Variants in PGLYRP4 observed in about 807,000 individuals in gnomAD.
The protein encoded by PGLYRP4 is PGRP-I-beta.
In PGLYRP4, 39 loss-of-function variants were observed where a neutral mutation model predicts 41.2. The observed-to-expected ratio is 0.95, with a 90% CI of 0.73 to 1.24. The LOEUF (loss-of-function observed/expected upper bound fraction) is 1.24. Among genes scored for constraint, PGLYRP4 ranks in the 50% most tolerant of loss-of-function variants. PGLYRP4 has a pLI of 0.00. For missense variants in PGLYRP4, 467 were observed against 460.7 expected (o/e 1.01, Z -0.13); for synonymous variants, 202 against 186.8 (o/e 1.08, Z -0.66).
intron 2 of PGLYRP4, 149 bp downstream of exon 2, chr1:153,347,734 CT>C: frequency 1.5e-6 from 1 of 657,832 alleles, no homozygotes; most frequent in Non-Finnish European, 2.8e-6. Flanking sequence ...TCCTCTGTCA[CT>C]CAGGCTGGAG....
At chr1:153,344,757 A>G (rs1660932093) in intron 4 of PGLYRP4, among the ~76,000 whole-genome samples, 1 of 152,160 alleles carries the variant, frequency 6.6e-6, no homozygotes, top group African/African-American at 2.4e-5. Flanking sequence ...TTTAGGCTCC[A>G]TGGGTCCATA....
chr1:153,342,310 T>C (rs1322999795), intron 5 of PGLYRP4, among the ~76,000 whole-genome samples: 1 of 152,222 alleles, frequency 6.6e-6, no homozygotes, highest in Non-Finnish European at 1.5e-5. Flanking sequence ...TCTGGAGTGC[T>C]GGGGAAACCA....
At chr1:153,333,208 C>A (rs1295599244) in intron 8 of PGLYRP4, among the ~76,000 whole-genome samples, 1 of 151,926 alleles carries the variant, frequency 6.6e-6, no homozygotes, top group African/African-American at 2.4e-5. Flanking sequence ...AATATTAGAA[C>A]ACCCACAATC....
At chr1:153,343,915 C>A (rs1281893453) in intron 4 of PGLYRP4, among the ~76,000 whole-genome samples, 1 of 152,218 alleles carries the variant, frequency 6.6e-6, no homozygotes, top group Non-Finnish European at 1.5e-5. Flanking sequence ...CACCCTCATA[C>A]AATTGGCCCC....
intron 8 of PGLYRP4, 65 bp downstream of exon 8, chr1:153,337,116 T>C: frequency 8.6e-7 from 1 of 1,161,756 alleles, no homozygotes; most frequent in Non-Finnish European, 1.3e-6. Flanking sequence ...AGACTTTGTC[T>C]TCCATGTCAG....
chr1:153,333,902 A>G (rs1229164561), intron 8 of PGLYRP4, among the ~76,000 whole-genome samples: 1 of 152,202 alleles, frequency 6.6e-6, no homozygotes, highest in Non-Finnish European at 1.5e-5. Context: ...GCATCAAAAG[A>G]ACATACCTCA....
In PGLYRP4 at chr1:153,345,354, G is replaced by T. The variant is rs762644781; in HGVS notation, c.168C>A (p.Val56=). Residue 56 remains valine (V), a synonymous_variant, in exon 4 of 9, where the codon GTC becomes GTA. Transcript: ENST00000359650. ...CTTCTGCCCCCCATGCCTTGCGAGA[G>T]ACCGTGGTGGAGACATCTGTGGGAA... ...KGLPTDVSTT[V]SRKAWGAEAV... is the part of the protein sequence containing the mutation. 2 of 1,614,178 alleles carry T rather than the reference G, an allele frequency of 1.2e-6. No individual in the cohort carries two copies. The highest frequency in any genetic ancestry group is 1.1e-5 in the South Asian group (1 of 91,074).
At chr1:153,337,377 A>C (rs1161616683) in intron 7 of PGLYRP4, 78 bp from the exon 8 acceptor site, 2 of 837,384 alleles carry the variant, frequency 2.4e-6, no homozygotes, top group African/African-American at 3.4e-5. Context: ...TAATTTATTC[A>C]TGTCTTTACT....
intron 8 of PGLYRP4, among the ~76,000 whole-genome samples, chr1:153,333,584 T>C (rs1379300849): frequency 6.6e-6 from 1 of 152,062 alleles, no homozygotes; most frequent in Non-Finnish European, 1.5e-5. Flanking sequence ...GCCACTCTTA[T>C]ACCAACGCCA....
intron 7 of PGLYRP4, among the ~76,000 whole-genome samples, chr1:153,339,506 T>C (rs1660705464): frequency 6.6e-6 from 1 of 152,240 alleles, no homozygotes; most frequent in Admixed American, 6.5e-5. Context: ...TGAATGTGCA[T>C]GAATATGCCA....
chr1:153,340,616 C>T, intron 6 of PGLYRP4, 37 bp from the exon 7 acceptor site: 2 of 1,595,368 alleles, frequency 1.3e-6, no homozygotes, highest in South Asian at 1.1e-5. Flanking sequence ...GGTTCATCTT[C>T]CCCATCTATG....
At position 153,330,493 on chromosome 1, in the gene PGLYRP4, C is replaced by T. The variant is rs531743189; in HGVS notation, c.*274G>A. 2 of 244,406 alleles carry T rather than the reference C, an allele frequency of 8.2e-6. No individual in the cohort carries two copies. The highest frequency in any genetic ancestry group is 2.2e-4 in the South Asian group (2 of 9,196). The allele number at this position is 244,406 out of a possible 1,614,324, so 15.1% of individuals were successfully genotyped here. A position where few individuals can be genotyped will look rare whatever the true frequency, so the allele number is the denominator to read the frequency against. On this transcript the variant is annotated 3_prime_UTR_variant, in exon 9 of 9. Coordinates refer to ENST00000359650, the MANE Select transcript of PGLYRP4 (RefSeq NM_020393.4). ...AAACAAGAACCAGCCCATTGTCTCACCTGGCTGAGGAGTTGGGTTTCCAAG... is the reference window on the plus strand; with the variant it reads ...AAACAAGAACCAGCCCATTGTCTCATCTGGCTGAGGAGTTGGGTTTCCAAG...
Position 153,340,407 on chromosome 1 carries a change from C to T in PGLYRP4, c.798G>A (p.Arg266=), listed in dbSNP as rs756431785. Residue 266 remains arginine (R), a synonymous_variant, in exon 7 of 9, where the codon AGG becomes AGA. Transcript: ENST00000359650. ...VRDIQSFYID[R]LKSCDIGYNF... ...TATAACCAATGTCGCATGACTTGAG[C>T]CTGTCTATGTAGAAAGACTGGATGT... is the stretch of plus-strand genomic sequence containing the variant. 2 of 1,614,192 alleles carry T rather than the reference C, an allele frequency of 1.2e-6. No individual in the cohort carries two copies. The highest frequency in any genetic ancestry group is 2.2e-5 in the South Asian group (2 of 91,088).
At chr1:153,336,710 T>C (rs1660584207) in intron 8 of PGLYRP4, among the ~76,000 whole-genome samples, 1 of 152,080 alleles carries the variant, frequency 6.6e-6, no homozygotes, top group East Asian at 1.9e-4. Flanking sequence ...ACACAATAGA[T>C]TTGTAGCCCC....
rs1007742266 is a variant in PGLYRP4 at position 153,348,104 on chromosome 1, C to T, written c.-46-126G>A. On this transcript the variant is annotated intron_variant, in intron 1 of 8. Coordinates refer to ENST00000359650, the MANE Select transcript of PGLYRP4 (RefSeq NM_020393.4). ...GTGGCCTCCTGAGGGCCAGCACCTGCTTCAGTCTTCTCAGGGCCCCCAGCA... is the reference window on the plus strand; with the variant it reads ...GTGGCCTCCTGAGGGCCAGCACCTGTTTCAGTCTTCTCAGGGCCCCCAGCA... The T allele has an allele frequency of 1.1e-5, 7 of 616,202 alleles. 1 individual carries two copies. The African/African-American group carries it at 1.3e-4, about 11-fold the overall frequency. 38.2% of individuals were successfully genotyped at this position (616,202 alleles called of 1,614,324 possible). A position where few individuals can be genotyped will look rare whatever the true frequency, so the allele number is the denominator to read the frequency against.
chr1:153,340,343 C>T, intron 7 of PGLYRP4, 38 bp downstream of exon 7: 1 of 1,584,052 alleles, frequency 6.3e-7, no homozygotes, highest in Non-Finnish European at 8.7e-7. Context: ...TTTCTGCCCC[C>T]AAGGGAAAAG....
In PGLYRP4 at chr1:153,340,304, T is replaced by C. The variant is rs1660739219; in HGVS notation, c.824+77A>G. 3 of 1,302,334 alleles carry C rather than the reference T, an allele frequency of 2.3e-6. No individual in the cohort carries two copies. In the Admixed American group the frequency reaches 5.1e-5, roughly 22 times the overall value. The allele number at this position is 1,302,334 out of a possible 1,614,324, so 80.7% of individuals were successfully genotyped here. A position where few individuals can be genotyped will look rare whatever the true frequency, so the allele number is the denominator to read the frequency against. On this transcript the variant is annotated intron_variant, in intron 7 of 8. Coordinates refer to ENST00000359650, the MANE Select transcript of PGLYRP4 (RefSeq NM_020393.4). ...TGGTGACTACCCAGTAAATATTAGT[T>C]CCCTTTCCCCTTCCTTTCAAAGGCT...
intron 4 of PGLYRP4, 173 bp downstream of exon 4, chr1:153,344,996 A>G (rs1000293107): frequency 9.0e-5 from 54 of 598,586 alleles, no homozygotes; most frequent in Admixed American, 2.4e-4. Context: ...CAGGCACCTC[A>G]CAGAAAAATC....
chr1:153,335,617 C>CT, intron 8 of PGLYRP4, among the ~76,000 whole-genome samples: 1 of 149,788 alleles, frequency 6.7e-6, no homozygotes, highest in African/African-American at 2.5e-5. Context: ...CCTAGCTACT[C>CT]GGGAGGCTGA....
Sources: gnomAD v4.1 joint callset for allele counts (sites outside exome capture counted in the v4.1 genomes callset) on GRCh38, gnomAD v4.1.1 for gene constraint, MANE v1.5 for transcripts, NCBI Gene and HGNC (gene_info 2026-07-23, HGNC 2026-07-21) for gene names.